RAB3C: variants seen among roughly 807,000 people sequenced by gnomAD.
The protein encoded by RAB3C is RAB3C, member RAS oncogene family.
A neutral mutation model predicts 26.4 loss-of-function variants in RAB3C; 17 were observed. The observed-to-expected ratio is 0.64, with a 90% CI of 0.44 to 0.97. The LOEUF (loss-of-function observed/expected upper bound fraction) is 0.97. RAB3C is among the 50% of genes least tolerant of loss of function. RAB3C has a pLI of 0.00. For synonymous variants in RAB3C, 91 were observed against 95.9 expected, an observed-to-expected ratio of 0.95 and a Z score of 0.30; for missense variants, 242 against 281.9, an observed-to-expected ratio of 0.86 and a Z score of 1.01.
chr5:58,636,732 G>C (rs1171805884), intron 2 of RAB3C, among the ~76,000 whole-genome samples: 3 of 152,128 alleles, frequency 2.0e-5, no homozygotes, highest in African/African-American at 4.8e-5. Flanking sequence ...ATAAGCCTTG[G>C]AATTGTCTCC....
intron 3 of RAB3C, among the ~76,000 whole-genome samples, chr5:58,743,635 C>G (rs1484094234): frequency 1.3e-5 from 2 of 152,074 alleles, no homozygotes; most frequent in African/African-American, 4.8e-5. Flanking sequence ...CATCATTCAA[C>G]TCCCACTTGT....
At chr5:58,763,560 A>T (rs1034406770) in intron 3 of RAB3C, among the ~76,000 whole-genome samples, 1 of 152,196 alleles carries the variant, frequency 6.6e-6, no homozygotes, top group African/African-American at 2.4e-5. Context: ...CCTGCTGATG[A>T]TGTCATCAAA....
intron 1 of RAB3C, among the ~76,000 whole-genome samples, chr5:58,613,226 A>T (rs548786556): frequency 6.6e-6 from 1 of 152,152 alleles, no homozygotes. Flanking sequence ...ATTCACTGCT[A>T]TTGAACCAAG....
chr5:58,798,093 CG>C (rs993011572), intron 3 of RAB3C, among the ~76,000 whole-genome samples: 10 of 41,110 alleles, frequency 2.4e-4, no homozygotes, highest in South Asian at 1.3e-3. Flanking sequence ...ACATACTTGG[CG>C]GGGGGGCCTC....
At chr5:58,754,694 G>A (rs1221524912) in intron 3 of RAB3C, among the ~76,000 whole-genome samples, 1 of 151,884 alleles carries the variant, frequency 6.6e-6, no homozygotes, top group Non-Finnish European at 1.5e-5. Context: ...ACAAACAAAT[G>A]TTTATATCGT....
chr5:58,754,429 G>C (rs547860830), intron 3 of RAB3C, among the ~76,000 whole-genome samples: 1 of 152,192 alleles, frequency 6.6e-6, no homozygotes, highest in Non-Finnish European at 1.5e-5. Flanking sequence ...TTAGGCATTA[G>C]GTAAATGCTT....
At chr5:58,590,041 A>G (rs1746096336) in intron 1 of RAB3C, among the ~76,000 whole-genome samples, 1 of 152,184 alleles carries the variant, frequency 6.6e-6, no homozygotes, top group Non-Finnish European at 1.5e-5. Flanking sequence ...CAGCCAACAC[A>G]TTGATTTTAG....
At chr5:58,764,728 G>C (rs760178583) in intron 3 of RAB3C, among the ~76,000 whole-genome samples, 1 of 152,030 alleles carries the variant, frequency 6.6e-6, no homozygotes, top group Non-Finnish European at 1.5e-5. Context: ...AAAATCTGCC[G>C]ATAATAACTT....
At chr5:58,818,682 C>A (rs1743270831) in intron 3 of RAB3C, among the ~76,000 whole-genome samples, 1 of 152,126 alleles carries the variant, frequency 6.6e-6, no homozygotes, top group Non-Finnish European at 1.5e-5. Context: ...GGATCTTTTG[C>A]AGTGATTCAG....
chr5:58,617,670 G>A lies in RAB3C; in HGVS notation c.52G>A (p.Gly18Ser), dbSNP rs201092216. 4.3e-5 allele frequency: 69 copies of A among 1,613,364 alleles called. 1 individual carries two copies. The highest frequency in any genetic ancestry group is 1.1e-4 in the South Asian group (10 of 91,062). ...QMASAQDARYGQKDSSDQNFD... is the reference protein window; with the variant it reads ...QMASAQDARYSQKDSSDQNFD... ...GGCCTCTGCCCAAGATGCCAGGTAC[G>A]GCCAGAAAGACTCCTCTGATCAGAA... The change falls in exon 2 of 5, where the codon GGC becomes AGC. Residue 18 changes from glycine to serine, a missense_variant. Transcript: ENST00000282878.
intron 2 of RAB3C, among the ~76,000 whole-genome samples, chr5:58,634,450 A>T (rs1747247221): frequency 6.6e-6 from 1 of 152,196 alleles, no homozygotes; most frequent in African/African-American, 2.4e-5. Context: ...TAGTTTCTTT[A>T]TCTGTATAAT....
At chr5:58,810,068 C>T (rs773775810) in intron 3 of RAB3C, among the ~76,000 whole-genome samples, 61 of 152,144 alleles carry the variant, frequency 4.0e-4, no homozygotes, top group Non-Finnish European at 8.5e-4. Context: ...AGCCACCCAG[C>T]AGAAGTGGAA....
intron 3 of RAB3C, among the ~76,000 whole-genome samples, chr5:58,809,707 G>A (rs1179073735): frequency 6.6e-6 from 1 of 152,020 alleles, no homozygotes; most frequent in East Asian, 1.9e-4. Context: ...CACCACTGTG[G>A]GATTAGTGCC....
intron 3 of RAB3C, among the ~76,000 whole-genome samples, chr5:58,741,073 G>C (rs1741263194): frequency 6.6e-6 from 1 of 152,096 alleles, no homozygotes; most frequent in African/African-American, 2.4e-5. Flanking sequence ...CTACAGTTAT[G>C]ATTACAGTTT....
At chr5:58,697,038 C>T (rs897974506) in intron 2 of RAB3C, among the ~76,000 whole-genome samples, 1 of 152,120 alleles carries the variant, frequency 6.6e-6, no homozygotes, top group Admixed American at 6.6e-5. Flanking sequence ...TACATCTTTC[C>T]TGCTGTCTCT....
intron 2 of RAB3C, among the ~76,000 whole-genome samples, chr5:58,620,792 T>C (rs73759510): frequency 0.04 from 6,099 of 152,284 alleles, 224 homozygotes; most frequent in African/African-American, 0.11. Context: ...TGGTTATTTT[T>C]TTTGAAAATG....
intron 4 of RAB3C, among the ~76,000 whole-genome samples, chr5:58,841,394 A>G (rs1261484679): frequency 2.0e-5 from 3 of 152,210 alleles, no homozygotes; most frequent in Non-Finnish European, 4.4e-5. Flanking sequence ...GGGTTGTGGC[A>G]TTCAGCTACC....
chr5:58,741,143 T>A (rs1228042939), intron 3 of RAB3C, among the ~76,000 whole-genome samples: 1 of 152,156 alleles, frequency 6.6e-6, no homozygotes, highest in East Asian at 1.9e-4. Flanking sequence ...CAGGGCAAGA[T>A]CTGGCAGTGT....
chr5:58,670,588 A>ATGC (rs1349575827), intron 2 of RAB3C, among the ~76,000 whole-genome samples: 1 of 152,206 alleles, frequency 6.6e-6, no homozygotes, highest in Non-Finnish European at 1.5e-5. Context: ...ATATGAAAAC[A>ATGC]TGCTGAAAAG....
Sources: gnomAD v4.1 joint callset for allele counts (sites outside exome capture counted in the v4.1 genomes callset) on GRCh38, gnomAD v4.1.1 for gene constraint, MANE v1.5 for transcripts, NCBI Gene and HGNC (gene_info 2026-07-23, HGNC 2026-07-21) for gene names.